The following CSMD1 variants were observed in gnomAD, a reference collection of about 807,000 sequenced individuals.
CSMD1 encodes the protein CUB and sushi domain-containing protein 1.
Under a neutral mutation model 417.5 loss-of-function variants are expected in CSMD1, and 213 were observed. The observed-to-expected ratio is 0.51, with a 90% CI of 0.46 to 0.57. The LOEUF is 0.57. Ranked by LOEUF, CSMD1 falls within the 20% of genes least tolerant of loss-of-function variation. CSMD1 has a pLI of 0.00. For synonymous variants in CSMD1, 2,862 were observed against 1,736.8 expected (o/e 1.65, Z -16.11); for missense variants, 6,923 against 4,529.7 (o/e 1.53, Z -15.17).
intron 26 of CSMD1, among the ~76,000 whole-genome samples, chr8:3,245,319 C>G (rs1229445494): frequency 6.6e-6 from 1 of 152,142 alleles, no homozygotes; most frequent in Non-Finnish European, 1.5e-5. Flanking sequence ...GTCCCAGTCA[C>G]TAGGAGCCTG....
chr8:4,134,372 A>G (rs542126503), intron 3 of CSMD1, among the ~76,000 whole-genome samples: 3 of 152,190 alleles, frequency 2.0e-5, no homozygotes, highest in Non-Finnish European at 4.4e-5. Flanking sequence ...TCTTATATGA[A>G]GAAATCGGGA....
At chr8:3,130,316 T>C (rs772275990) in intron 41 of CSMD1, among the ~76,000 whole-genome samples, 10 of 152,038 alleles carry the variant, frequency 6.6e-5, no homozygotes, top group Non-Finnish European at 1.2e-4. Flanking sequence ...TCATTCACAT[T>C]ATTCAAATTG....
intron 2 of CSMD1, among the ~76,000 whole-genome samples, chr8:4,504,405 A>G (rs540096677): frequency 6.6e-6 from 1 of 152,310 alleles, no homozygotes; most frequent in South Asian, 2.1e-4. Flanking sequence ...GATGAACAAC[A>G]TTGTGCCTAC....
intron 10 of CSMD1, among the ~76,000 whole-genome samples, chr8:3,515,055 T>G (rs1208775167): frequency 6.6e-6 from 1 of 152,196 alleles, no homozygotes; most frequent in Non-Finnish European, 1.5e-5. Flanking sequence ...ATTCGACATC[T>G]AACTTTTCAA....
intron 2 of CSMD1, among the ~76,000 whole-genome samples, chr8:4,474,109 G>C (rs186061533): frequency 3.9e-5 from 6 of 152,162 alleles, no homozygotes; most frequent in Non-Finnish European, 5.9e-5. Flanking sequence ...TACACAAAAA[G>C]AAACTAGAGA....
chr8:4,445,874 A>T lies in CSMD1; in HGVS notation c.303-25809T>A, dbSNP rs56014707. ...ATGCAGAAGTGTTCTCCCGCTGGAGAAGGGCACAAGAGGAGAGAGCACGGA... is the reference window on the plus strand; with the variant it reads ...ATGCAGAAGTGTTCTCCCGCTGGAGTAGGGCACAAGAGGAGAGAGCACGGA... On this transcript the variant is annotated intron_variant, in intron 2 of 69. Coordinates refer to ENST00000635120, the MANE Select transcript of CSMD1 (RefSeq NM_033225.6). Among the ~76,000 whole-genome samples, 995 of 152,312 alleles carry T rather than the reference A, an allele frequency of 6.5e-3. 13 individuals carry two copies. The highest frequency in any genetic ancestry group is 0.023 in the African/African-American group (949 of 41,558).
rs76908619 is a variant in CSMD1 at position 4,644,056 on chromosome 8, C to T, written c.86-6498G>A. On this transcript the variant is annotated intron_variant, in intron 1 of 69. Coordinates refer to ENST00000635120, the MANE Select transcript of CSMD1 (RefSeq NM_033225.6). ...AGAAGAAAAGTAAAAATGCCAGAGG[C>T]AGCCTGCCTGAAAGAGAGCCAAGGA... Among the ~76,000 whole-genome samples, 92 of 152,294 alleles carry T rather than the reference C, an allele frequency of 6.0e-4. No homozygotes were observed. The East Asian group carries it at 0.015, about 26-fold the overall frequency.
At chr8:3,811,779 G>A (rs1051505252) in intron 5 of CSMD1, among the ~76,000 whole-genome samples, 4 of 152,088 alleles carry the variant, frequency 2.6e-5, no homozygotes, top group Admixed American at 6.6e-5. Context: ...AGTGAGAGAT[G>A]AGGAGAATCA....
chr8:3,537,307 A>C (rs1001544095), intron 10 of CSMD1, among the ~76,000 whole-genome samples: 2 of 152,184 alleles, frequency 1.3e-5, no homozygotes, highest in Non-Finnish European at 2.9e-5. Flanking sequence ...CCGGCCCGCA[A>C]ACTCTTGCTT....
intron 3 of CSMD1, among the ~76,000 whole-genome samples, chr8:4,076,285 C>A (rs567854480): frequency 6.6e-6 from 1 of 152,150 alleles, no homozygotes; most frequent in East Asian, 1.9e-4. Flanking sequence ...GTTTGCTTCT[C>A]CCTCTGCCAT....
intron 3 of CSMD1, among the ~76,000 whole-genome samples, chr8:4,284,972 C>T (rs993661681): frequency 1.3e-5 from 2 of 152,214 alleles, no homozygotes; most frequent in African/African-American, 2.4e-5. Context: ...CACCTCACCT[C>T]GCCTCACCAT....
chr8:3,872,809 A>C (rs769891507), intron 5 of CSMD1, among the ~76,000 whole-genome samples: 49 of 151,564 alleles, frequency 3.2e-4, no homozygotes, highest in Admixed American at 2.0e-4. Flanking sequence ...ATTTGTAAGC[A>C]ACTTAAACAA....
rs149709006 is a variant in CSMD1, at chr8:4,095,020, A to T, written c.416-62921T>A. 8.7e-4 allele frequency among the ~76,000 whole-genome samples: 133 copies of T among 152,320 alleles called. 1 individual carries two copies. Among genetic ancestry groups the T allele is most frequent in the African/African-American group, 3.1e-3 (129 of 41,580 alleles). On this transcript the variant is annotated intron_variant, in intron 3 of 69. Coordinates refer to ENST00000635120, the MANE Select transcript of CSMD1 (RefSeq NM_033225.6). ...GACTAGAAATGGAGAGACCATGGCA[A>T]CAAAGATCTTGAGAAAGTCATGTAA...
intron 1 of CSMD1, among the ~76,000 whole-genome samples, chr8:4,770,917 A>AC (rs1198808551): frequency 1.3e-5 from 2 of 152,150 alleles, no homozygotes; most frequent in African/African-American, 4.8e-5. Flanking sequence ...CATATATCAC[A>AC]CCAAAAATTC....
intron 7 of CSMD1, among the ~76,000 whole-genome samples, chr8:3,617,397 A>G (rs1802193657): frequency 6.6e-6 from 1 of 152,190 alleles, no homozygotes. Context: ...TCATTTGTTT[A>G]TTGGATAGAG....
intron 3 of CSMD1, among the ~76,000 whole-genome samples, chr8:4,084,744 C>A (rs1028755202): frequency 6.6e-6 from 1 of 151,688 alleles, no homozygotes; most frequent in Non-Finnish European, 1.5e-5. Context: ...TGCCCACCCC[C>A]ACCCCCCTAC....
chr8:4,994,333 C>T lies in CSMD1; in HGVS notation c.84G>A (p.Lys28=), dbSNP rs969638745. ...VLCARLLTAA[K]GQNCGGLVQG... is the part of the protein sequence containing the mutation. ...CGGCCAGGAGCAAGTCCGTCTTACC[C>T]TTCGCTGCAGTGAGGAGCCTCGCGC... Residue 28 remains lysine (K), a splice_region_variant and synonymous_variant, in exon 1 of 70, where the codon AAG becomes AAA. Coordinates refer to ENST00000635120, the MANE Select transcript of CSMD1 (RefSeq NM_033225.6). 1.9e-6 allele frequency: 3 copies of T among 1,610,002 alleles called. No individual in the cohort carries two copies. The highest frequency in any genetic ancestry group is 1.7e-5 in the Admixed American group (1 of 59,998).
rs190818813 is a variant in CSMD1 at position 4,853,501 on chromosome 8, G to A, written c.85+140831C>T. Among the ~76,000 whole-genome samples, 95 of 152,326 alleles carry A rather than the reference G, an allele frequency of 6.2e-4. 1 individual carries two copies. The East Asian group carries it at 8.9e-3, about 14-fold the overall frequency. Reference sequence around the variant, plus strand: ...AGAATGCAAGAATAAAGGAGGCTTGGCAGCTTCCACATAGATTTCAGAAGA... The same window carrying A: ...AGAATGCAAGAATAAAGGAGGCTTGACAGCTTCCACATAGATTTCAGAAGA... On this transcript the variant is annotated intron_variant, in intron 1 of 69. Transcript: ENST00000635120.
chr8:3,628,933 G>C (rs1269995550), intron 7 of CSMD1, among the ~76,000 whole-genome samples: 1 of 151,984 alleles, frequency 6.6e-6, no homozygotes, highest in Non-Finnish European at 1.5e-5. Context: ...AATAAAAAGA[G>C]TAGGAATGAG....
Sources: allele counts gnomAD v4.1 joint callset (sites outside exome capture counted in the v4.1 genomes callset), GRCh38; gene constraint gnomAD v4.1.1; transcripts MANE v1.5; gene names NCBI Gene and HGNC (gene_info 2026-07-23, HGNC 2026-07-21).